SYT10: variants seen among roughly 807,000 people sequenced by gnomAD.
SYT10 encodes the protein synaptotagmin 10, also known as synaptotagmin-10.
Under a neutral mutation model 51.1 loss-of-function variants are expected in SYT10, and 31 were observed. That is an observed-to-expected ratio of 0.61 (90% CI 0.46 to 0.82). The LOEUF is 0.82. SYT10 is among the 40% of genes least tolerant of loss of function. The pLI is 0.00. For missense variants in SYT10, 603 were observed against 634.0 expected, an observed-to-expected ratio of 0.95 and a Z score of 0.53; for synonymous variants, 233 against 225.9, an observed-to-expected ratio of 1.03 and a Z score of -0.28.
intron 2 of SYT10, among the ~76,000 whole-genome samples, chr12:33,424,602 T>A (rs1448675130): frequency 3.3e-5 from 5 of 151,994 alleles, no homozygotes; most frequent in Non-Finnish European, 7.4e-5. Context: ...AAAGCAGTTT[T>A]CCCCTATAGG....
intron 3 of SYT10, chr12:33,406,030 G>C (rs1215594956): frequency 6.6e-6 from 1 of 151,802 alleles, no homozygotes; most frequent in African/African-American, 2.4e-5. Flanking sequence ...ATTTAACTTA[G>C]TATGGTCTTA....
chr12:33,408,767 TC>T (rs1866380688), intron 2 of SYT10, among the ~76,000 whole-genome samples: 1 of 152,182 alleles, frequency 6.6e-6, no homozygotes, highest in African/African-American at 2.4e-5. Flanking sequence ...CTCATCATTT[TC>T]TCCCTTTTGC....
At chr12:33,399,932 C>A (rs1405263959) in intron 3 of SYT10, among the ~76,000 whole-genome samples, 1 of 152,192 alleles carries the variant, frequency 6.6e-6, no homozygotes, top group Non-Finnish European at 1.5e-5. Flanking sequence ...CCAGGTTTAT[C>A]GCAGAGATGA....
At chr12:33,377,923 C>G (rs775920896) in intron 6 of SYT10, among the ~76,000 whole-genome samples, 3 of 152,052 alleles carry the variant, frequency 2.0e-5, no homozygotes, top group Non-Finnish European at 2.9e-5. Context: ...CCACCGCACC[C>G]GGTTGAGGAA....
intron 2 of SYT10, among the ~76,000 whole-genome samples, chr12:33,421,167 C>T (rs145122905): frequency 0.011 from 1,623 of 152,130 alleles, 15 homozygotes; most frequent in African/African-American, 0.024. Context: ...GCACATTAAG[C>T]GTTCTTTTGG....
At chr12:33,410,666 T>C (rs142346928) in intron 2 of SYT10, among the ~76,000 whole-genome samples, 42 of 152,270 alleles carry the variant, frequency 2.8e-4, no homozygotes, top group Non-Finnish European at 5.1e-4. Flanking sequence ...ACCCAAAGAA[T>C]GAGAAGCTTT....
At chr12:33,400,756 T>C in intron 3 of SYT10, among the ~76,000 whole-genome samples, 1 of 152,220 alleles carries the variant, frequency 6.6e-6, no homozygotes, top group East Asian at 1.9e-4. Flanking sequence ...TCAGGTGTGG[T>C]GGCTCACGCC....
In SYT10 at chr12:33,439,772, C is replaced by A; in HGVS notation, c.-250G>T. On this transcript the variant is annotated 5_prime_UTR_variant, in exon 1 of 7. Coordinates refer to ENST00000228567, the MANE Select transcript of SYT10 (RefSeq NM_198992.4). ...GCGAGGTTTGCGCCAACTCTCCCGC[C>A]GCGCGAGCGAGCCGAGGCGCGCTGG... 2.0e-6 allele frequency: 1 copy of A among 493,618 alleles called. No individual in the cohort carries two copies. Among genetic ancestry groups the A allele is most frequent in the Non-Finnish European group, 3.6e-6 (1 of 279,822 alleles). The allele number at this position is 493,618 out of a possible 1,614,324, so 30.6% of individuals were successfully genotyped here. A position where few individuals can be genotyped will look rare whatever the true frequency, so the allele number is the denominator to read the frequency against.
intron 3 of SYT10, among the ~76,000 whole-genome samples, chr12:33,399,803 T>C (rs1866286749): frequency 6.6e-6 from 1 of 152,132 alleles, no homozygotes; most frequent in Non-Finnish European, 1.5e-5. Context: ...TCCCATCAAT[T>C]CTCGCAAAGT....
chr12:33,387,891 T>C (rs1463663676), intron 3 of SYT10, among the ~76,000 whole-genome samples: 1 of 151,972 alleles, frequency 6.6e-6, no homozygotes, highest in Non-Finnish European at 1.5e-5. Flanking sequence ...TATAGGCATG[T>C]ACCACCAAGC....
chr12:33,419,283 G>T (rs1207836376), intron 2 of SYT10, among the ~76,000 whole-genome samples: 2 of 152,014 alleles, frequency 1.3e-5, no homozygotes, highest in Non-Finnish European at 2.9e-5. Context: ...TGTGTGGGGG[G>T]ACTTTTGACA....
At chr12:33,389,218 G>T (rs1324832516) in intron 3 of SYT10, among the ~76,000 whole-genome samples, 1 of 152,146 alleles carries the variant, frequency 6.6e-6, no homozygotes, top group African/African-American at 2.4e-5. Flanking sequence ...TATGGGCAAG[G>T]TGTTGGTGAC....
intron 3 of SYT10, among the ~76,000 whole-genome samples, chr12:33,394,827 G>A (rs556074332): frequency 3.9e-5 from 6 of 152,296 alleles, no homozygotes; most frequent in Middle Eastern, 6.8e-3. Flanking sequence ...GGTGGCTCAC[G>A]CCTGTAAACC....
intron 3 of SYT10, among the ~76,000 whole-genome samples, chr12:33,395,498 GCTTCTCTTTATCT>G (rs1377119544): frequency 2.0e-5 from 3 of 152,262 alleles, no homozygotes; most frequent in Admixed American, 2.0e-4. Flanking sequence ...GAGCTAAATA[GCTTCTCTTTATCT>G]CCTACAACCT....
chr12:33,386,938 T>A (rs1268681593), intron 3 of SYT10, among the ~76,000 whole-genome samples: 1 of 152,208 alleles, frequency 6.6e-6, no homozygotes, highest in Non-Finnish European at 1.5e-5. Flanking sequence ...TTATATGTGG[T>A]CTTTGACTGC....
Position 33,439,478 on chromosome 12 carries a change from C to T in SYT10, c.45G>A (p.Lys15=). ...ACAGCTCGGTGACGATGTGCAGAGCCTTCTGGCACAGACTGTTCACTCCGT... is the reference window on the plus strand; with the variant it reads ...ACAGCTCGGTGACGATGTGCAGAGCTTTCTGGCACAGACTGTTCACTCCGT... The part of the protein sequence containing the change: ...KEDGVNSLCQ[K]ALHIVTELCF... The change falls in exon 1 of 7, where the codon AAG becomes AAA. Residue 15 remains lysine (K), a synonymous_variant. Transcript: ENST00000228567. 2 of 1,614,250 alleles carry T rather than the reference C, an allele frequency of 1.2e-6. No individual in the cohort carries two copies. The highest frequency in any genetic ancestry group is 1.7e-6 in the Non-Finnish European group (2 of 1,180,038).
Position 33,384,374 on chromosome 12 carries a change from G to T in SYT10, c.1198+797C>A, listed in dbSNP as rs924217500. On this transcript the variant is annotated intron_variant, in intron 4 of 6. Transcript: ENST00000228567. ...TTGTGATGCAAATTTAGGTTTTGTT[G>T]TTGTTCTGCAAAACCACAAATTATA... Among the ~76,000 whole-genome samples, 8 of 151,658 alleles carry T rather than the reference G, an allele frequency of 5.3e-5. No individual in the cohort carries two copies. The South Asian group carries it at 6.3e-4, about 12-fold the overall frequency.
At chr12:33,392,315 TGGGA>T (rs1178397001) in intron 3 of SYT10, among the ~76,000 whole-genome samples, 2 of 152,204 alleles carry the variant, frequency 1.3e-5, no homozygotes, top group East Asian at 3.9e-4. Context: ...AGATGGCAAA[TGGGA>T]GGGAGGAAGA....
At chr12:33,383,970 C>T (rs186813029) in intron 4 of SYT10, among the ~76,000 whole-genome samples, 64 of 152,118 alleles carry the variant, frequency 4.2e-4, no homozygotes, top group African/African-American at 1.5e-3. Context: ...ATCTTAAATT[C>T]TTCAACATTT....
Sources: allele counts gnomAD v4.1 joint callset (sites outside exome capture counted in the v4.1 genomes callset), GRCh38; gene constraint gnomAD v4.1.1; transcripts MANE v1.5; gene names NCBI Gene and HGNC (gene_info 2026-07-23, HGNC 2026-07-21).